Variants in ESR1 observed in about 807,000 individuals in gnomAD.
ESR1 encodes the protein estrogen receptor 1.
In ESR1, 12 loss-of-function variants were observed where a neutral mutation model predicts 52.7. The ratio of observed to expected loss-of-function variants is 0.23; its 90% CI spans 0.15 to 0.37. The LOEUF (loss-of-function observed/expected upper bound fraction) is 0.37, where lower values mean the gene tolerates loss of function less well. Ranked by LOEUF, ESR1 falls within the 10% of genes least tolerant of loss-of-function variation. The pLI is 1.00. For missense variants in ESR1, 584 were observed against 779.7 expected, an observed-to-expected ratio of 0.75 and a Z score of 2.99; for synonymous variants, 305 against 316.8, an observed-to-expected ratio of 0.96 and a Z score of 0.39.
Position 151,808,232 on chromosome 6 carries a change from C to A in ESR1, c.320C>A (p.Pro107Gln). The A allele has an allele frequency of 1.3e-6, 2 of 1,572,406 alleles. No individual in the cohort carries two copies. The highest frequency in any genetic ancestry group is 2.3e-5 in the East Asian group (1 of 42,904). Residue 107 changes from proline (P) to glutamine (Q), a missense_variant, in exon 1 of 8, where the codon CCG becomes CAG. Transcript: ENST00000206249. ...FPPLNSVSPS[P>Q]LMLLHPPPQL... is the part of the protein sequence containing the mutation. ...CCACTCAACAGCGTGTCTCCGAGCC[C>A]GCTGATGCTACTGCACCCGCCGCCG...
intron 4 of ESR1, among the ~76,000 whole-genome samples, chr6:151,991,693 G>A (rs144171076): frequency 4.6e-5 from 7 of 152,202 alleles, no homozygotes; most frequent in African/African-American, 7.2e-5. Flanking sequence ...AAAGGACATC[G>A]TGGTGGAAAT....
chr6:151,671,605 G>A (rs1778063448), intron 1 of ESR1, among the ~76,000 whole-genome samples: 1 of 152,186 alleles, frequency 6.6e-6, no homozygotes, highest in Non-Finnish European at 1.5e-5. Context: ...AAGTTCTGGA[G>A]ACCTATTGTG....
chr6:151,785,733 C>A (rs775451973), intron 2 of ESR1, among the ~76,000 whole-genome samples: 5 of 152,162 alleles, frequency 3.3e-5, no homozygotes, highest in Admixed American at 2.6e-4. Flanking sequence ...CCCATTAGAA[C>A]CTCAGTTTTC....
chr6:151,730,483 T>A (rs1782159031), intron 2 of ESR1, among the ~76,000 whole-genome samples: 1 of 152,178 alleles, frequency 6.6e-6, no homozygotes, highest in African/African-American at 2.4e-5. Flanking sequence ...GTTCCAGCTT[T>A]TCCAGGTCTG....
chr6:151,707,984 C>A, intron 2 of ESR1, among the ~76,000 whole-genome samples: 1 of 151,972 alleles, frequency 6.6e-6, no homozygotes, highest in East Asian at 1.9e-4. Flanking sequence ...TCTTGGGGGT[C>A]TTTTTTCCTC....
intron 5 of ESR1, among the ~76,000 whole-genome samples, chr6:152,054,921 G>A (rs568054624): frequency 3.9e-5 from 6 of 152,298 alleles, no homozygotes; most frequent in Non-Finnish European, 8.8e-5. Context: ...GGGTGCTATG[G>A]AATGACATTT....
chr6:151,744,586 T>A (rs1783344747), intron 2 of ESR1, among the ~76,000 whole-genome samples: 1 of 152,234 alleles, frequency 6.6e-6, no homozygotes, highest in Non-Finnish European at 1.5e-5. Flanking sequence ...TGTTGAGTTG[T>A]AAGGATTCGT....
intron 5 of ESR1, among the ~76,000 whole-genome samples, chr6:152,022,834 G>A (rs113125011): frequency 0.11 from 16,047 of 151,766 alleles, 1,949 homozygotes; most frequent in African/African-American, 0.3. Context: ...AAAATTAGCC[G>A]GGCTTGGTGG....
At chr6:151,964,599 A>T (rs1352760539) in intron 4 of ESR1, among the ~76,000 whole-genome samples, 2 of 151,000 alleles carry the variant, frequency 1.3e-5, no homozygotes, top group South Asian at 4.2e-4. Flanking sequence ...TGTATATATG[A>T]TGATGTCATC....
At chr6:151,766,691 A>G (rs1462643450) in intron 2 of ESR1, among the ~76,000 whole-genome samples, 2 of 152,178 alleles carry the variant, frequency 1.3e-5, no homozygotes, top group African/African-American at 4.8e-5. Context: ...TTTTCTTAAT[A>G]TACTCTTTAG....
At chr6:151,969,150 G>A (rs576051237) in intron 4 of ESR1, among the ~76,000 whole-genome samples, 1 of 152,246 alleles carries the variant, frequency 6.6e-6, no homozygotes, top group Admixed American at 6.5e-5. Flanking sequence ...CTGGCTTCCA[G>A]GAAGAACCTG....
intron 2 of ESR1, among the ~76,000 whole-genome samples, chr6:151,857,175 G>T (rs1000694935): frequency 1.3e-5 from 2 of 151,864 alleles, no homozygotes; most frequent in Non-Finnish European, 2.9e-5. Context: ...AAACTATTTG[G>T]AAAAAAATGG....
At chr6:151,873,054 C>T (rs766970675) in intron 2 of ESR1, among the ~76,000 whole-genome samples, 48 of 152,134 alleles carry the variant, frequency 3.2e-4, no homozygotes, top group Non-Finnish European at 5.6e-4. Context: ...TCCTAAGAAG[C>T]GGAACACTTG....
At chr6:151,900,418 C>A (rs996972441) in intron 3 of ESR1, among the ~76,000 whole-genome samples, 1 of 152,174 alleles carries the variant, frequency 6.6e-6, no homozygotes, top group Non-Finnish European at 1.5e-5. Flanking sequence ...GCTTAACAAT[C>A]GACCTTCTGA....
intron 6 of ESR1, among the ~76,000 whole-genome samples, chr6:152,115,415 T>G (rs375449310): frequency 6.6e-6 from 1 of 152,204 alleles, no homozygotes; most frequent in Non-Finnish European, 1.5e-5. Context: ...ATCTATTCAT[T>G]TGGAGAATGA....
At chr6:151,958,226 G>A (rs770715988) in intron 4 of ESR1, among the ~76,000 whole-genome samples, 3 of 152,166 alleles carry the variant, frequency 2.0e-5, no homozygotes, top group Non-Finnish European at 2.9e-5. Context: ...ATATTCTGAC[G>A]TGGTGTCAAC....
chr6:151,865,160 C>A (rs937034609), intron 2 of ESR1, among the ~76,000 whole-genome samples: 1 of 152,030 alleles, frequency 6.6e-6, no homozygotes, highest in Admixed American at 6.6e-5. Context: ...CTGAAAATTA[C>A]ATATGTACAC....
rs548668722 is a variant in ESR1 at position 151,941,173 on chromosome 6, C to A, written c.761-3000C>A. 8.7e-4 allele frequency among the ~76,000 whole-genome samples: 132 copies of A among 152,222 alleles called. No homozygotes were observed. In the South Asian group the frequency reaches 0.011, roughly 12 times the overall value. On this transcript the variant is annotated intron_variant, in intron 3 of 7. Coordinates refer to ENST00000206249, the MANE Select transcript of ESR1 (RefSeq NM_000125.4). ...ATAATTTGGTTACTCTTGATTTCACCTTAGGAAAAACAATATCACCTTCTA... is the reference window on the plus strand; with the variant it reads ...ATAATTTGGTTACTCTTGATTTCACATTAGGAAAAACAATATCACCTTCTA...
chr6:151,978,053 C>G (rs1398684257), intron 4 of ESR1, among the ~76,000 whole-genome samples: 4 of 150,712 alleles, frequency 2.7e-5, no homozygotes, highest in Non-Finnish European at 5.9e-5. Context: ...GAATCAGACT[C>G]AGAGGCTTCA....
Sources: allele counts gnomAD v4.1 joint callset (sites outside exome capture counted in the v4.1 genomes callset), GRCh38; gene constraint gnomAD v4.1.1; transcripts MANE v1.5; gene names NCBI Gene and HGNC (gene_info 2026-07-23, HGNC 2026-07-21).